GUCY1A2: variants seen among roughly 807,000 people sequenced by gnomAD.
GUCY1A2 encodes guanylate cyclase soluble subunit alpha-2.
A neutral mutation model predicts 63.5 loss-of-function variants in GUCY1A2; 27 were observed. The ratio of observed to expected loss-of-function variants is 0.43; its 90% CI spans 0.31 to 0.59. GUCY1A2 has a LOEUF of 0.59. Among genes scored for constraint, GUCY1A2 ranks in the 20% least tolerant of loss-of-function variants. The pLI, the probability that GUCY1A2 is intolerant of heterozygous loss-of-function variation, is 0.11. For synonymous variants in GUCY1A2, 364 were observed against 343.5 expected, an observed-to-expected ratio of 1.06 and a Z score of -0.66; for missense variants, 768 against 913.3, an observed-to-expected ratio of 0.84 and a Z score of 2.05.
intron 5 of GUCY1A2, among the ~76,000 whole-genome samples, chr11:106,796,590 T>C (rs1374723545): frequency 1.3e-5 from 2 of 152,198 alleles, no homozygotes; most frequent in Admixed American, 6.5e-5. Context: ...TTTAAGAATG[T>C]TGAATATCGG....
In GUCY1A2 at chr11:106,709,802, G is replaced by A. The variant is rs865902704; in HGVS notation, c.1837-1136C>T. The stretch of plus-strand genomic sequence containing the variant: ...ATATATAGTTATATATTATATACAC[G>A]TATAGAATATATAGTTATATATTAT... On this transcript the variant is annotated intron_variant, in intron 6 of 7. Coordinates refer to ENST00000526355, the MANE Select transcript of GUCY1A2 (RefSeq NM_000855.3). Among the ~76,000 whole-genome samples, 9 of 132,824 alleles carry A rather than the reference G, an allele frequency of 6.8e-5. No homozygotes were observed. The South Asian group carries it at 1.7e-3, about 25-fold the overall frequency. The allele number at this position is 132,824 out of a possible 152,430, so 87.1% of individuals were successfully genotyped here.
intron 3 of GUCY1A2, among the ~76,000 whole-genome samples, chr11:106,971,080 A>G (rs986598109): frequency 6.6e-6 from 1 of 152,160 alleles, no homozygotes; most frequent in Non-Finnish European, 1.5e-5. Context: ...GCGGTTGAAC[A>G]AGTGAAACAC....
At chr11:106,848,688 G>C (rs558394800) in intron 4 of GUCY1A2, among the ~76,000 whole-genome samples, 2 of 151,636 alleles carry the variant, frequency 1.3e-5, no homozygotes, top group Admixed American at 6.6e-5. Context: ...TTTGAGAGAA[G>C]GACAGACATT....
At position 106,936,637 on chromosome 11, in the gene GUCY1A2, G is replaced by A. The variant is rs1591334221; in HGVS notation, c.1206+2823C>T. On this transcript the variant is annotated intron_variant, in intron 4 of 7. Coordinates refer to ENST00000526355, the MANE Select transcript of GUCY1A2 (RefSeq NM_000855.3). The stretch of plus-strand genomic sequence containing the variant: ...AAGCTTGGTCAAGCCATCTGGAAGA[G>A]TTTTTTTCTAACCTCAAGACTGTTG... 2.0e-6 allele frequency: 3 copies of A among 1,488,644 alleles called. No homozygotes were observed. In the East Asian group the frequency reaches 7.4e-5, roughly 37 times the overall value. 92.2% of individuals were successfully genotyped at this position (1,488,644 alleles called of 1,614,324 possible). A position where few individuals can be genotyped will look rare whatever the true frequency, so the allele number is the denominator to read the frequency against.
At chr11:106,913,524 C>T (rs2119874283) in intron 4 of GUCY1A2, among the ~76,000 whole-genome samples, 1 of 152,188 alleles carries the variant, frequency 6.6e-6, no homozygotes, top group Admixed American at 6.6e-5. Context: ...ATGAAGGATC[C>T]AACGCCAGGA....
intron 4 of GUCY1A2, among the ~76,000 whole-genome samples, chr11:106,844,066 A>C (rs550161373): frequency 2.0e-5 from 3 of 152,006 alleles, no homozygotes; most frequent in African/African-American, 4.8e-5. Context: ...CTTCTTATAC[A>C]GAGTTCCAAG....
chr11:106,864,046 C>A (rs1859552735), intron 4 of GUCY1A2, among the ~76,000 whole-genome samples: 1 of 151,658 alleles, frequency 6.6e-6, no homozygotes, highest in African/African-American at 2.4e-5. Flanking sequence ...GACAGGGCAT[C>A]ACACACCCTG....
intron 3 of GUCY1A2, among the ~76,000 whole-genome samples, chr11:106,957,033 G>T (rs1860994702): frequency 6.6e-6 from 1 of 152,200 alleles, no homozygotes; most frequent in Non-Finnish European, 1.5e-5. Flanking sequence ...ATGATGGGTT[G>T]GGATTAGGCC....
chr11:106,692,489 G>A (rs2135336778), intron 7 of GUCY1A2, among the ~76,000 whole-genome samples: 1 of 152,198 alleles, frequency 6.6e-6, no homozygotes, highest in East Asian at 1.9e-4. Context: ...AATGAAGCTG[G>A]TTTCTGACTC....
intron 4 of GUCY1A2, among the ~76,000 whole-genome samples, chr11:106,814,348 C>T (rs1388033140): frequency 6.6e-6 from 1 of 152,010 alleles, no homozygotes; most frequent in Non-Finnish European, 1.5e-5. Context: ...AAAGGGGCTT[C>T]CAGAAGGGCC....
At chr11:106,833,389 G>A (rs186020749) in intron 4 of GUCY1A2, among the ~76,000 whole-genome samples, 3 of 151,978 alleles carry the variant, frequency 2.0e-5, no homozygotes, top group African/African-American at 4.8e-5. Context: ...GGAGTGGTCC[G>A]CCTGTGATCT....
At chr11:106,839,758 G>A (rs183949081) in intron 4 of GUCY1A2, among the ~76,000 whole-genome samples, 312 of 149,728 alleles carry the variant, frequency 2.1e-3, no homozygotes, top group Middle Eastern at 3.5e-3. Flanking sequence ...CTATTGCAAG[G>A]ACAAAAAACC....
Position 106,835,099 on chromosome 11 carries a change from AT to A in GUCY1A2, c.1207-24622del, listed in dbSNP as rs1859099733. On this transcript the variant is annotated intron_variant, in intron 4 of 7. Transcript: ENST00000526355. ...GAGTAGGTAGGAAAAAACATAATAG[AT>A]TTAGCTCACCAAGGGCATCAAATAC... Among the ~76,000 whole-genome samples the A allele has an allele frequency of 2.6e-5, 4 of 151,942 alleles. No individual in the cohort carries two copies. In the South Asian group the frequency reaches 8.3e-4, roughly 31 times the overall value.
At chr11:106,712,252 A>T (rs1199258597) in intron 6 of GUCY1A2, among the ~76,000 whole-genome samples, 1 of 152,128 alleles carries the variant, frequency 6.6e-6, no homozygotes, top group East Asian at 1.9e-4. Flanking sequence ...TATGTCTTCA[A>T]ATTTATAATA....
At chr11:106,771,510 G>C (rs573910378) in intron 6 of GUCY1A2, among the ~76,000 whole-genome samples, 34 of 152,316 alleles carry the variant, frequency 2.2e-4, no homozygotes, top group African/African-American at 8.2e-4. Context: ...CATTTTGGGA[G>C]GCTGAGGCAG....
chr11:106,862,305 T>G (rs958574572), intron 4 of GUCY1A2, among the ~76,000 whole-genome samples: 2 of 134,052 alleles, frequency 1.5e-5, no homozygotes, highest in Non-Finnish European at 3.2e-5. Context: ...TTTCATATAA[T>G]TGTTATGAGA....
chr11:106,755,980 C>T (rs1349096216), intron 6 of GUCY1A2, among the ~76,000 whole-genome samples: 36 of 152,272 alleles, frequency 2.4e-4, no homozygotes, highest in African/African-American at 7.5e-4. Flanking sequence ...GTGTGGGAGT[C>T]TAAGTCTCCT....
At chr11:106,929,892 C>T (rs1186052550) in intron 4 of GUCY1A2, among the ~76,000 whole-genome samples, 5 of 152,268 alleles carry the variant, frequency 3.3e-5, no homozygotes, top group South Asian at 4.1e-4. Flanking sequence ...GCAGCTTTCA[C>T]TCCTTTCTTA....
chr11:106,874,419 A>G (rs761455931), intron 4 of GUCY1A2, among the ~76,000 whole-genome samples: 9 of 152,296 alleles, frequency 5.9e-5, no homozygotes, highest in Admixed American at 2.6e-4. Flanking sequence ...TTATTTATCC[A>G]AGAAGAAAAT....
Sources: allele counts gnomAD v4.1 joint callset (sites outside exome capture counted in the v4.1 genomes callset), GRCh38; gene constraint gnomAD v4.1.1; transcripts MANE v1.5; gene names NCBI Gene and HGNC (gene_info 2026-07-23, HGNC 2026-07-21).